The following SNX2 variants were observed in gnomAD, a reference collection of about 807,000 sequenced individuals.
SNX2 encodes the protein sorting nexin 2, also known as sorting nexin-2.
In SNX2, 25 loss-of-function variants were observed where a neutral mutation model predicts 69.9. The ratio of observed to expected loss-of-function variants is 0.36; its 90% CI spans 0.26 to 0.50. SNX2 has a LOEUF of 0.50. Among genes scored for constraint, SNX2 ranks in the 20% least tolerant of loss-of-function variants. SNX2 has a pLI of 0.97. For missense variants in SNX2, 551 were observed against 613.3 expected, an observed-to-expected ratio of 0.90 and a Z score of 1.07; for synonymous variants, 229 against 200.4, an observed-to-expected ratio of 1.14 and a Z score of -1.20.
chr5:122,822,230 A>G (rs1185341638), intron 11 of SNX2, among the ~76,000 whole-genome samples: 1 of 152,206 alleles, frequency 6.6e-6, no homozygotes, highest in Non-Finnish European at 1.5e-5. Flanking sequence ...AGCTGGGACT[A>G]TAGGCGTGTG....
At chr5:122,810,350 A>C (rs555722374) in intron 7 of SNX2, among the ~76,000 whole-genome samples, 1 of 143,812 alleles carries the variant, frequency 7.0e-6, no homozygotes, top group South Asian at 2.3e-4. Flanking sequence ...CTATTGTCCT[A>C]TGACCCTGCC....
At chr5:122,789,287 G>A (rs1401462418) in intron 1 of SNX2, among the ~76,000 whole-genome samples, 1 of 152,178 alleles carries the variant, frequency 6.6e-6, no homozygotes, top group Non-Finnish European at 1.5e-5. Flanking sequence ...TTGCTGTGCT[G>A]TTTGGCTACA....
intron 8 of SNX2, 90 bp from the exon 9 acceptor site, chr5:122,816,818 GGGGGGGA>G (rs1753909502): frequency 7.3e-6 from 4 of 549,870 alleles, no homozygotes; most frequent in Non-Finnish European, 6.5e-6. Context: ...ATTTGTATGT[GGGGGGGA>G]GGGGGGAGGA....
chr5:122,819,092 T>A (rs1220770759), intron 11 of SNX2, 69 bp downstream of exon 11: 5 of 1,258,608 alleles, frequency 4.0e-6, no homozygotes, highest in Non-Finnish European at 5.6e-6. Flanking sequence ...TCCTATTAAT[T>A]ATGTATTTAC....
chr5:122,824,194 T>A (rs1413145659), intron 11 of SNX2, among the ~76,000 whole-genome samples: 5 of 101,864 alleles, frequency 4.9e-5, no homozygotes, highest in African/African-American at 2.2e-4. Flanking sequence ...AGAGCGAGAC[T>A]CTGTCTCAAA....
chr5:122,783,467 G>A (rs1316490589), intron 1 of SNX2, among the ~76,000 whole-genome samples: 3 of 152,098 alleles, frequency 2.0e-5, no homozygotes, highest in Non-Finnish European at 4.4e-5. Flanking sequence ...TTCATGTTGA[G>A]TTAATTTTTG....
intron 6 of SNX2, among the ~76,000 whole-genome samples, chr5:122,806,249 TGTA>T (rs1351038746): frequency 1.3e-5 from 2 of 151,816 alleles, no homozygotes. Context: ...AAAAAATAAA[TGTA>T]GTCAAATAGT....
chr5:122,794,823 C>T (rs1321713055), intron 1 of SNX2, among the ~76,000 whole-genome samples: 2 of 151,928 alleles, frequency 1.3e-5, no homozygotes, highest in African/African-American at 2.4e-5. Flanking sequence ...GGAGTTCAAG[C>T]TGGGCAACAT....
chr5:122,823,084 A>C (rs921876984), intron 11 of SNX2, among the ~76,000 whole-genome samples: 3 of 152,198 alleles, frequency 2.0e-5, no homozygotes, highest in South Asian at 4.1e-4. Flanking sequence ...TCTAACTGAG[A>C]GCAGCTTGCA....
In SNX2 at chr5:122,799,781, A is replaced by C; in HGVS notation, c.316A>C (p.Thr106Pro). 6.2e-7 allele frequency: 1 copy of C among 1,613,608 alleles called. No homozygotes were observed. The highest frequency in any genetic ancestry group is 2.2e-5 in the East Asian group (1 of 44,854). ...PSPAVTPVTPTTLIAPRIESK... is the reference protein window; with the variant it reads ...PSPAVTPVTPPTLIAPRIESK... Reference sequence around the variant, plus strand: ...TCCTGCAGTCACACCTGTCACTCCTACTACACTCATTGCTCCTAGAATTGA... The same window carrying C: ...TCCTGCAGTCACACCTGTCACTCCTCCTACACTCATTGCTCCTAGAATTGA... Residue 106 changes from threonine (T) to proline (P), a missense_variant, in exon 3 of 15, where the codon ACT becomes CCT. Physicochemically the swap from Thr to Pro is conservative, Grantham distance 38. Coordinates refer to ENST00000379516, the MANE Select transcript of SNX2 (RefSeq NM_003100.4).
intron 10 of SNX2, among the ~76,000 whole-genome samples, chr5:122,817,631 CAAAG>C (rs1178443687): frequency 1.3e-5 from 2 of 151,592 alleles, no homozygotes; most frequent in African/African-American, 2.4e-5. Flanking sequence ...AAAAAAAGAA[CAAAG>C]AAAACTATAT....
chr5:122,796,298 T>G (rs1454511999), intron 2 of SNX2, among the ~76,000 whole-genome samples: 1 of 152,200 alleles, frequency 6.6e-6, no homozygotes, highest in Non-Finnish European at 1.5e-5. Context: ...GGTTCAATAT[T>G]CAAACCATTC....
At chr5:122,826,246 T>C in intron 12 of SNX2, 53 bp downstream of exon 12, 2 of 1,479,280 alleles carry the variant, frequency 1.4e-6, no homozygotes, top group Admixed American at 2.2e-5. Flanking sequence ...GAGTCATTCA[T>C]ATATACATAA....
chr5:122,820,813 C>A (rs1475810514), intron 11 of SNX2, among the ~76,000 whole-genome samples: 1 of 152,134 alleles, frequency 6.6e-6, no homozygotes, highest in African/African-American at 2.4e-5. Flanking sequence ...TTCAGAATGC[C>A]TTTTAAAAGC....
intron 12 of SNX2, chr5:122,826,525 T>A (rs1489463801): frequency 7.1e-6 from 2 of 280,956 alleles, no homozygotes; most frequent in Non-Finnish European, 1.1e-5. Flanking sequence ...CTCTCCCACA[T>A]TTAGCTGTCC....
intron 1 of SNX2, among the ~76,000 whole-genome samples, chr5:122,789,442 TAC>T (rs34588472): frequency 0.015 from 2,117 of 141,570 alleles, 20 homozygotes; most frequent in African/African-American, 0.035. Flanking sequence ...CACACACACA[TAC>T]ACACACACAC....
Position 122,831,273 on chromosome 5 carries a change from C to T in SNX2, c.*1625C>T, listed in dbSNP as rs989476270. Among the ~76,000 whole-genome samples the T allele has an allele frequency of 6.6e-6, 1 of 152,170 alleles. No individual in the cohort carries two copies. Among genetic ancestry groups the T allele is most frequent in the Admixed American group, 6.5e-5 (1 of 15,270 alleles). On this transcript the variant is annotated 3_prime_UTR_variant, in exon 15 of 15. Coordinates refer to ENST00000379516, the MANE Select transcript of SNX2 (RefSeq NM_003100.4). The stretch of plus-strand genomic sequence containing the variant: ...GGTGTTATTCATATTTATACTCCCA[C>T]AGCCCAGAAGAGTGGCTGATACATA...
intron 7 of SNX2, among the ~76,000 whole-genome samples, chr5:122,814,800 A>C (rs554248537): frequency 6.7e-5 from 10 of 148,364 alleles, no homozygotes; most frequent in Non-Finnish European, 1.2e-4. Flanking sequence ...CCCAGACTGG[A>C]GTGCAGTGGC....
chr5:122,810,398 T>TAAAAA (rs1561464624), intron 7 of SNX2, among the ~76,000 whole-genome samples: 10 of 59,870 alleles, frequency 1.7e-4, no homozygotes, highest in Non-Finnish European at 2.5e-4. Context: ...GAATGATCAA[T>TAAAAA]TAAAAAAAAA....
Sources: allele counts gnomAD v4.1 joint callset (sites outside exome capture counted in the v4.1 genomes callset), GRCh38; gene constraint gnomAD v4.1.1; transcripts MANE v1.5; gene names NCBI Gene and HGNC (gene_info 2026-07-23, HGNC 2026-07-21).